Variants in FAM221A observed in about 807,000 individuals in gnomAD.
The protein encoded by FAM221A is protein FAM221A.
FAM221A carries 43 observed loss-of-function variants against 37.6 expected under a neutral mutation model. The ratio of observed to expected loss-of-function variants is 1.15; its 90% CI spans 0.90 to 1.48. FAM221A has a LOEUF of 1.48. Ranked by LOEUF, FAM221A falls within the 40% of genes most tolerant of loss-of-function variation. The pLI, the probability that FAM221A is intolerant of heterozygous loss-of-function variation, is 0.00. For missense variants in FAM221A, 361 were observed against 361.5 expected, an observed-to-expected ratio of 1.00 and a Z score of 0.01; for synonymous variants, 135 against 132.9, an observed-to-expected ratio of 1.02 and a Z score of -0.11.
At position 23,698,320 on chromosome 7, in the gene FAM221A, A is replaced by G. The variant is rs201954863; in HGVS notation, c.745+21A>G. ...AGATGGTAATGAAATGAAGTTTAGAACTGTTTTTGGATGTAGTAAATTGGA... is the reference window on the plus strand; with the variant it reads ...AGATGGTAATGAAATGAAGTTTAGAGCTGTTTTTGGATGTAGTAAATTGGA... On this transcript the variant is annotated intron_variant, in intron 5 of 6. Transcript: ENST00000344962. The G allele has an allele frequency of 5.2e-5, 70 of 1,342,568 alleles. No homozygotes were observed. In the East Asian group the frequency reaches 1.1e-3, roughly 21 times the overall value. The allele number at this position is 1,342,568 out of a possible 1,614,324, so 83.2% of individuals were successfully genotyped here.
At chr7:23,680,888 G>A (rs1783995439) in intron 1 of FAM221A, 1 of 152,384 alleles carries the variant, frequency 6.6e-6, no homozygotes, top group Non-Finnish European at 1.5e-5. Flanking sequence ...CTGGGCGGAT[G>A]GGAAGTCCTG....
intron 4 of FAM221A, among the ~76,000 whole-genome samples, chr7:23,696,982 CTGGAGG>C (rs1274342656): frequency 6.6e-6 from 1 of 152,092 alleles, no homozygotes; most frequent in African/African-American, 2.4e-5. Flanking sequence ...GGGGGCAGAG[CTGGAGG>C]TGGGTTCCCT....
intron 5 of FAM221A, among the ~76,000 whole-genome samples, chr7:23,699,041 A>G (rs941551840): frequency 1.3e-5 from 2 of 152,144 alleles, no homozygotes; most frequent in African/African-American, 4.8e-5. Flanking sequence ...AGTGCAGTCA[A>G]TTAAATGCTT....
At chr7:23,696,208 C>T (rs987150582) in intron 4 of FAM221A, among the ~76,000 whole-genome samples, 4 of 152,110 alleles carry the variant, frequency 2.6e-5, no homozygotes, top group African/African-American at 9.7e-5. Flanking sequence ...CAATAGTGAG[C>T]ATTTGTATAT....
At position 23,689,456 on chromosome 7, in the gene FAM221A, A is replaced by G. The variant is rs201198425; in HGVS notation, c.427A>G (p.Thr143Ala). 128 of 1,551,550 alleles carry G rather than the reference A, an allele frequency of 8.2e-5. No homozygotes were observed. The highest frequency in any genetic ancestry group is 1.7e-5 in the Admixed American group (1 of 58,842). The change falls in exon 3 of 7, where the codon ACA becomes GCA. Residue 143 changes from threonine (T) to alanine (A), a missense_variant. Physicochemically the swap from Thr to Ala is moderately conservative, Grantham distance 58 (BLOSUM62 0). Transcript: ENST00000344962. ...TGCTGCGCCTGGCTTTACATGCAAT[A>G]CATGTGAGTTATATTATTATAAACA... ...HSAAPGFTCN[T>A]CSKCSGFHSC...
intron 5 of FAM221A, 88 bp from the exon 6 acceptor site, chr7:23,700,698 A>C: frequency 1.3e-6 from 1 of 788,348 alleles, no homozygotes; most frequent in Non-Finnish European, 2.0e-6. Flanking sequence ...AAACATTATC[A>C]CCGAGCAGGA....
rs1029174824 is a variant in FAM221A, at chr7:23,680,237, C to G, written c.19C>G (p.Pro7Ala). The G allele has an allele frequency of 7.1e-6, 11 of 1,549,512 alleles. No individual in the cohort carries two copies. The highest frequency in any genetic ancestry group is 9.6e-6 in the Non-Finnish European group (11 of 1,146,110). ...ACCGGCAATGGAGCGGTTGACGTTG[C>G]CTCTCGGCGGCGCGGCGGCGGTGGA... MERLTL[P>A]LGGAAAVDEY... The change falls in exon 1 of 7, where the codon CCT becomes GCT. Residue 7 changes from proline to alanine, a missense_variant. Transcript: ENST00000344962.
chr7:23,692,420 C>A, intron 4 of FAM221A: 1 of 217,934 alleles, frequency 4.6e-6, no homozygotes, highest in Non-Finnish European at 7.8e-6. Context: ...CGGCTCACCG[C>A]AACCTCCGCC....
chr7:23,691,458 A>C lies in FAM221A; in HGVS notation c.499A>C (p.Thr167Pro). The C allele has an allele frequency of 4.3e-6, 7 of 1,614,200 alleles. No homozygotes were observed. The highest frequency in any genetic ancestry group is 5.9e-6 in the Non-Finnish European group (7 of 1,180,038). ...TGGTCAGCCTGCATATGCCCATGAC[A>C]CAGTAGTGGAAACTAAGCAAGAAAG... ...ACGQPAYAHD[T>P]VVETKQERLA... The change falls in exon 4 of 7, where the codon ACA (threonine) becomes CCA (proline). Residue 167 changes from threonine (T) to proline (P), a missense_variant. Physicochemically the swap from Thr to Pro is conservative, Grantham distance 38. Coordinates refer to ENST00000344962, the MANE Select transcript of FAM221A (RefSeq NM_199136.5).
At chr7:23,685,295 AACAAAACAAAACCCC>A (rs1206232525) in intron 2 of FAM221A, among the ~76,000 whole-genome samples, 2 of 111,400 alleles carry the variant, frequency 1.8e-5, no homozygotes, top group Non-Finnish European at 4.1e-5. Flanking sequence ...AACAAAACAA[AACAAAACAAAACCCC>A]ACAAAAATTA....
Position 23,698,347 on chromosome 7 carries a change from T to C in FAM221A, c.745+48T>C. ...TGTTTTTGGATGTAGTAAATTGGAA[T>C]ATGGAGCTTTGATTTGTTTTCTAGG... On this transcript the variant is annotated intron_variant, in intron 5 of 6. Transcript: ENST00000344962. 4.1e-6 allele frequency: 4 copies of C among 980,700 alleles called. No homozygotes were observed. In the South Asian group the frequency reaches 5.9e-5, roughly 14 times the overall value. The allele number at this position is 980,700 out of a possible 1,614,324, so 60.7% of individuals were successfully genotyped here. A position where few individuals can be genotyped will look rare whatever the true frequency, so the allele number is the denominator to read the frequency against.
Position 23,702,159 on chromosome 7 carries a change from T to A in FAM221A, c.892T>A (p.Ser298Thr), listed in dbSNP as rs755331574. 1 of 1,590,664 alleles carries A rather than the reference T, an allele frequency of 6.3e-7. No individual in the cohort carries two copies. Residue 298 changes from serine (S) to threonine (T), a missense_variant, in exon 7 of 7, where the codon TCA becomes ACA. By Grantham distance (58) the Ser-to-Thr change is moderately conservative. Transcript: ENST00000344962. The stretch of plus-strand genomic sequence containing the variant: ...TCCATTGCCATCAGCTACAAAACCT[T>A]CATGAAGACTATTGGAGAAATTAAA... ...KAPLPSATKP[S>T] is the part of the protein sequence containing the mutation.
chr7:23,686,342 C>A (rs1293975455), intron 2 of FAM221A: 2 of 414,908 alleles, frequency 4.8e-6, no homozygotes, highest in Non-Finnish European at 9.6e-6. Flanking sequence ...TGGCTCATTG[C>A]AGCCTCGACC....
Position 23,691,518 on chromosome 7 carries a change from C to T in FAM221A, c.559C>T (p.Pro187Ser). 3 of 1,614,170 alleles carry T rather than the reference C, an allele frequency of 1.9e-6. No individual in the cohort carries two copies. The highest frequency in any genetic ancestry group is 1.1e-5 in the South Asian group (1 of 91,080). The change falls in exon 4 of 7, where the codon CCT becomes TCT. Residue 187 changes from proline (P) to serine (S), a missense_variant. Pro to Ser is a moderately conservative substitution (Grantham distance 74, BLOSUM62 -1). Coordinates refer to ENST00000344962, the MANE Select transcript of FAM221A (RefSeq NM_199136.5). The part of the protein sequence containing the change: ...AQEKPVGQDI[P>S]YAAMGGLTGF... The stretch of plus-strand genomic sequence containing the variant: ...GGAAAAACCAGTGGGACAGGACATT[C>T]CTTATGCAGCCATGGGAGGATTAAC...
chr7:23,682,412 TTTATTATTA>T (rs1007309199), intron 1 of FAM221A, among the ~76,000 whole-genome samples: 8 of 131,324 alleles, frequency 6.1e-5, no homozygotes, highest in East Asian at 2.1e-4. Context: ...TATATATATA[TTTATTATTA>T]TTATTATTAT....
intron 1 of FAM221A, among the ~76,000 whole-genome samples, chr7:23,683,478 C>T (rs930423314): frequency 7.9e-5 from 12 of 152,062 alleles, no homozygotes; most frequent in Admixed American, 2.6e-4. Flanking sequence ...GTTTTTTGTA[C>T]TCTTTTGGGA....
chr7:23,690,199 A>ATATATTTT lies in FAM221A; in HGVS notation c.430+741_430+742insATATTTTT, dbSNP rs774313037. On this transcript the variant is annotated intron_variant, in intron 3 of 6. Coordinates refer to ENST00000344962, the MANE Select transcript of FAM221A (RefSeq NM_199136.5). ...TATATATATATATATATATATATAT[A>ATATATTTT]TTTTTTTTTTTTTTAATAGAGTTTT... Among the ~76,000 whole-genome samples the ATATATTTT allele has an allele frequency of 2.5e-3, 121 of 48,728 alleles. 1 individual carries two copies. The highest frequency in any genetic ancestry group is 0.016 in the Middle Eastern group (1 of 62). The allele number at this position is 48,728 out of a possible 152,430, so 32.0% of individuals were successfully genotyped here. A position where few individuals can be genotyped will look rare whatever the true frequency, so the allele number is the denominator to read the frequency against.
chr7:23,696,623 C>T lies in FAM221A; in HGVS notation c.638-1569C>T, dbSNP rs78250825. Among the ~76,000 whole-genome samples, 89 of 152,254 alleles carry T rather than the reference C, an allele frequency of 5.8e-4. 5 individuals carry two copies. The East Asian group carries it at 0.011, about 18-fold the overall frequency. On this transcript the variant is annotated intron_variant, in intron 4 of 6. Coordinates refer to ENST00000344962, the MANE Select transcript of FAM221A (RefSeq NM_199136.5). ...GCAGCTCTGTTACAATCTTATGTGG[C>T]CACCATTGTATATGCAGTCCATTGT...
intron 5 of FAM221A, among the ~76,000 whole-genome samples, chr7:23,699,966 A>C (rs1340732604): frequency 1.3e-5 from 2 of 152,208 alleles, no homozygotes; most frequent in Non-Finnish European, 2.9e-5. Context: ...CACATGATCC[A>C]GGGATAGACC....
Sources: allele counts gnomAD v4.1 joint callset (sites outside exome capture counted in the v4.1 genomes callset), GRCh38; gene constraint gnomAD v4.1.1; transcripts MANE v1.5; gene names NCBI Gene and HGNC (gene_info 2026-07-23, HGNC 2026-07-21).